Variants in NPAS2 observed in about 807,000 individuals in gnomAD.
NPAS2 encodes neuronal PAS domain protein 2, also known as neuronal PAS domain-containing protein 2.
In NPAS2, 23 loss-of-function variants were observed where a neutral mutation model predicts 107.5. That is an observed-to-expected ratio of 0.21 (90% CI 0.15 to 0.30). The LOEUF (loss-of-function observed/expected upper bound fraction) is 0.30. Ranked by LOEUF, NPAS2 falls within the 10% of genes least tolerant of loss-of-function variation. NPAS2 has a pLI of 1.00. For synonymous variants in NPAS2, 403 were observed against 417.5 expected, an observed-to-expected ratio of 0.97 and a Z score of 0.42; for missense variants, 756 against 1,043.3, an observed-to-expected ratio of 0.72 and a Z score of 3.79.
At chr2:100,906,795 C>A (rs895991799) in intron 2 of NPAS2, among the ~76,000 whole-genome samples, 5 of 152,190 alleles carry the variant, frequency 3.3e-5, no homozygotes, top group African/African-American at 7.2e-5. Context: ...TACGTCATCT[C>A]ATATTATCTT....
intron 7 of NPAS2, among the ~76,000 whole-genome samples, chr2:100,956,363 C>T (rs375990137): frequency 1.3e-5 from 2 of 152,242 alleles, no homozygotes; most frequent in East Asian, 1.9e-4. Context: ...CTCCTTCCTT[C>T]CTCCCTCCAG....
chr2:100,935,328 A>G (rs10221872), intron 4 of NPAS2, among the ~76,000 whole-genome samples: 8,158 of 152,328 alleles, frequency 0.054, 685 homozygotes, highest in African/African-American at 0.18. Flanking sequence ...AGGAATTTGC[A>G]GAAAGGGAAG....
At chr2:100,819,682 C>A (rs557499065), upstream of NPAS2, among the ~76,000 whole-genome samples, 88 of 152,306 alleles carry the variant, frequency 5.8e-4, no homozygotes, top group Middle Eastern at 6.8e-3. This position sits in a 1 kb window ranked among gnomAD's most constrained non-coding sequence, Gnocchi z 5.8. Flanking sequence ...CTACACTAGG[C>A]GGGGGCGGCA....
At chr2:100,899,879 T>C (rs1280826822) in intron 1 of NPAS2, among the ~76,000 whole-genome samples, 2 of 152,112 alleles carry the variant, frequency 1.3e-5, no homozygotes, top group Non-Finnish European at 2.9e-5. Context: ...TCTGGAGGGA[T>C]GTCCATATTG....
At chr2:100,941,339 G>A (rs1416772759) in intron 5 of NPAS2, among the ~76,000 whole-genome samples, 1 of 152,202 alleles carries the variant, frequency 6.6e-6, no homozygotes, top group East Asian at 1.9e-4. Context: ...TGAGCTGGGT[G>A]GATCACTTGA....
chr2:100,964,601 CAT>C (rs1335466186), intron 8 of NPAS2, among the ~76,000 whole-genome samples: 35 of 152,214 alleles, frequency 2.3e-4, no homozygotes, highest in Non-Finnish European at 3.8e-4. Context: ...CCATTTTCCA[CAT>C]GTTTGCCACT....
At position 100,968,138 on chromosome 2, in the gene NPAS2, C is replaced by T. The variant is rs1219426446; in HGVS notation, c.908-143C>T. 4 of 813,132 alleles carry T rather than the reference C, an allele frequency of 4.9e-6. No homozygotes were observed. The African/African-American group carries it at 6.9e-5, about 14-fold the overall frequency. The allele number at this position is 813,132 out of a possible 1,614,324, so 50.4% of individuals were successfully genotyped here. ...CAGTGTACCGTGATCCTGACAGTCA[C>T]TTAAAATACAGGGCAACCGGGGAAA... is the stretch of plus-strand genomic sequence containing the variant. On this transcript the variant is annotated intron_variant, in intron 10 of 20. Coordinates refer to ENST00000335681, the MANE Select transcript of NPAS2 (RefSeq NM_002518.4). The surrounding 1 kb of genome is among the most constrained non-coding windows in gnomAD (Gnocchi z 5.3).
intron 1 of NPAS2, among the ~76,000 whole-genome samples, chr2:100,866,524 CA>C (rs1483283127): frequency 6.6e-6 from 1 of 152,138 alleles, no homozygotes; most frequent in Non-Finnish European, 1.5e-5. Flanking sequence ...GCTTTCTTTC[CA>C]AAATACCATG....
At chr2:100,979,949 T>C (rs1677332952) in intron 15 of NPAS2, among the ~76,000 whole-genome samples, 1 of 152,216 alleles carries the variant, frequency 6.6e-6, no homozygotes, top group East Asian at 1.9e-4. Flanking sequence ...GATTTTTCTC[T>C]CACTCCCCTC....
intron 16 of NPAS2, chr2:100,983,485 G>T (rs1399605222): frequency 6.5e-6 from 1 of 152,736 alleles, no homozygotes. Flanking sequence ...GATGCTCACT[G>T]TCCCTCCCCT....
intron 5 of NPAS2, among the ~76,000 whole-genome samples, chr2:100,942,468 G>A (rs1206621469): frequency 6.6e-6 from 1 of 152,086 alleles, no homozygotes; most frequent in Non-Finnish European, 1.5e-5. Context: ...CCTGACAGGT[G>A]CAGCTGCAGC....
chr2:100,870,252 C>T (rs1679500395), intron 1 of NPAS2, among the ~76,000 whole-genome samples: 1 of 152,168 alleles, frequency 6.6e-6, no homozygotes, highest in Non-Finnish European at 1.5e-5. Flanking sequence ...TTCCTATTCT[C>T]TTATTCTTTT....
intron 1 of NPAS2, among the ~76,000 whole-genome samples, chr2:100,861,210 G>A (rs768013014): frequency 7.2e-5 from 11 of 152,176 alleles, no homozygotes; most frequent in South Asian, 2.1e-4. Context: ...GAAGGGTTCC[G>A]AGCTGCTCAG....
Position 100,968,655 on chromosome 2 carries a change from G to A in NPAS2, c.1055+227G>A, listed in dbSNP as rs1573747688. Among the ~76,000 whole-genome samples the A allele has an allele frequency of 1.3e-5, 2 of 152,278 alleles. No homozygotes were observed. The highest frequency in any genetic ancestry group is 3.9e-4 in the East Asian group (2 of 5,180). The stretch of plus-strand genomic sequence containing the variant: ...CTCCCAGGGCTGAGACTCCTTTCAA[G>A]CTCTCAGTCAGGCCCCTTTGAACGC... On this transcript the variant is annotated intron_variant, in intron 11 of 20. Transcript: ENST00000335681. The surrounding 1 kb of genome is among the most constrained non-coding windows in gnomAD (Gnocchi z 5.3).
At chr2:100,855,635 C>G (rs1678507368) in intron 1 of NPAS2, among the ~76,000 whole-genome samples, 1 of 152,168 alleles carries the variant, frequency 6.6e-6, no homozygotes, top group Admixed American at 6.5e-5. Flanking sequence ...TCTTGTTGCT[C>G]TCATGTTTAT....
At chr2:100,821,297 C>A in intron 1 of NPAS2, 1 of 1,071,894 alleles carries the variant, frequency 9.3e-7, no homozygotes, top group Non-Finnish European at 1.2e-6. Context: ...CACGCACTTC[C>A]ACAAAGTCTA....
chr2:100,990,902 C>G lies in NPAS2; in HGVS notation c.2111+30C>G, dbSNP rs1190209796. Reference sequence around the variant, plus strand: ...GTGGACCCTGGCGGGAGGCAGGAGGCAAGCGCTGGTGGAATGGTTCCAGGC... The same window carrying G: ...GTGGACCCTGGCGGGAGGCAGGAGGGAAGCGCTGGTGGAATGGTTCCAGGC... On this transcript the variant is annotated intron_variant, in intron 19 of 20. Transcript: ENST00000335681. 3 of 1,588,956 alleles carry G rather than the reference C, an allele frequency of 1.9e-6. No homozygotes were observed. The East Asian group carries it at 6.7e-5, about 36-fold the overall frequency.
intron 5 of NPAS2, among the ~76,000 whole-genome samples, chr2:100,939,047 G>A (rs542127158): frequency 8.5e-4 from 129 of 152,278 alleles, no homozygotes; most frequent in African/African-American, 1.6e-3. Flanking sequence ...AGGGAACAGC[G>A]TGGCCTTGTT....
At chr2:100,932,665 G>A (rs1156432286) in intron 3 of NPAS2, among the ~76,000 whole-genome samples, 1 of 151,136 alleles carries the variant, frequency 6.6e-6, no homozygotes, top group African/African-American at 2.5e-5. Flanking sequence ...CACCTGCAAG[G>A]GCAGGCACCA....
Sources: allele counts gnomAD v4.1 joint callset (sites outside exome capture counted in the v4.1 genomes callset), GRCh38; gene constraint gnomAD v4.1.1; non-coding constraint Gnocchi (gnomAD v3.1); transcripts MANE v1.5; gene names NCBI Gene and HGNC (gene_info 2026-07-23, HGNC 2026-07-21).